Variants in WHRN observed in about 807,000 individuals in gnomAD.
The protein encoded by WHRN is whirlin, also known as CASK-interacting protein CIP98.
A neutral mutation model predicts 68.3 loss-of-function variants in WHRN; 41 were observed. That is an observed-to-expected ratio of 0.60 (90% CI 0.47 to 0.78). The LOEUF (loss-of-function observed/expected upper bound fraction) is 0.78. Ranked by LOEUF, WHRN falls within the 30% of genes least tolerant of loss-of-function variation. The probability of loss-of-function intolerance (pLI) is 0.00; values close to 1 mark genes in which losing one functional copy is unlikely to be tolerated. For synonymous variants in WHRN, 560 were observed against 561.3 expected (o/e 1.00, Z 0.03); for missense variants, 1,243 against 1,244.7 (o/e 1.00, Z 0.02).
intron 1 of WHRN, among the ~76,000 whole-genome samples, chr9:114,486,445 T>A (rs1306744127): frequency 6.6e-6 from 1 of 152,204 alleles, no homozygotes; most frequent in African/African-American, 2.4e-5. Context: ...TTGAGGCACA[T>A]TACATGTTCT....
chr9:114,497,438 T>C (rs1008337777), intron 1 of WHRN, among the ~76,000 whole-genome samples: 1 of 152,038 alleles, frequency 6.6e-6, no homozygotes, highest in African/African-American at 2.4e-5. Flanking sequence ...TTTAAGCATA[T>C]GTGTGGTTAC....
At chr9:114,429,515 A>T (rs766007587) in intron 3 of WHRN, among the ~76,000 whole-genome samples, 1 of 152,214 alleles carries the variant, frequency 6.6e-6, no homozygotes, top group Non-Finnish European at 1.5e-5. Flanking sequence ...TCAATGCCAC[A>T]TGCTTTCACC....
At chr9:114,454,197 T>C (rs1259507964) in intron 3 of WHRN, among the ~76,000 whole-genome samples, 4 of 152,192 alleles carry the variant, frequency 2.6e-5, no homozygotes, top group African/African-American at 7.2e-5. Context: ...TCCTTTAAGA[T>C]AGAAATAAGG....
At chr9:114,502,438 C>T (rs1470841153) in intron 1 of WHRN, among the ~76,000 whole-genome samples, 1 of 151,860 alleles carries the variant, frequency 6.6e-6, no homozygotes, top group Non-Finnish European at 1.5e-5. Context: ...AAGCTAAAGG[C>T]TGGTGCTGCT....
chr9:114,497,189 C>T (rs1843529499), intron 1 of WHRN, among the ~76,000 whole-genome samples: 1 of 152,072 alleles, frequency 6.6e-6, no homozygotes, highest in Non-Finnish European at 1.5e-5. Context: ...CATTTGGGGA[C>T]CTGTTTATGG....
rs200040563 is a variant in WHRN, at chr9:114,423,315, C to G, written c.1625G>C (p.Arg542Thr). 11 of 1,613,830 alleles carry G rather than the reference C, an allele frequency of 6.8e-6. No individual in the cohort carries two copies. Among genetic ancestry groups the G allele is most frequent in the Non-Finnish European group, 9.3e-6 (11 of 1,179,902 alleles). Residue 542 changes from arginine (R) to threonine (T), a missense_variant and splice_region_variant, in exon 7 of 12, where the codon AGG becomes ACG. By Grantham distance (71) the Arg-to-Thr change is moderately conservative. Coordinates refer to ENST00000362057, the MANE Select transcript of WHRN (RefSeq NM_015404.4). ...HGTSTTVSSA[R>T]NTLDLEETGE... ...AGGGACAAGGCAGAAGAAGCTCACC[C>G]TGGCCGAGCTGACGGTGGTGGAGGT...
chr9:114,469,842 A>G (rs9657664), intron 2 of WHRN, among the ~76,000 whole-genome samples: 54,035 of 152,150 alleles, frequency 0.36, 10,903 homozygotes, highest in African/African-American at 0.54. Context: ...TAGAGGCTCC[A>G]GAGGAGAACC....
At position 114,426,418 on chromosome 9, in the gene WHRN, C is replaced by A. The variant is rs973016995; in HGVS notation, c.964-5G>T. ...TTCTAGAATCTGGTCCCCAACCTGC[C>A]AAGATCACCACACAATACAGTCACC... On this transcript the variant is annotated splice_polypyrimidine_tract_variant and splice_region_variant and intron_variant, in intron 3 of 11. Transcript: ENST00000362057. The A allele has an allele frequency of 1.9e-6, 3 of 1,613,376 alleles. No homozygotes were observed. The highest frequency in any genetic ancestry group is 1.1e-5 in the South Asian group (1 of 91,020).
At chr9:114,476,565 G>A (rs1425150666) in intron 2 of WHRN, among the ~76,000 whole-genome samples, 1 of 152,036 alleles carries the variant, frequency 6.6e-6, no homozygotes, top group African/African-American at 2.4e-5. Context: ...CCTCCCATCA[G>A]TTTGCACTGT....
chr9:114,475,929 G>C (rs1045390754), intron 2 of WHRN, among the ~76,000 whole-genome samples: 1 of 152,088 alleles, frequency 6.6e-6, no homozygotes, highest in Non-Finnish European at 1.5e-5. Context: ...CGGTATCTGG[G>C]TCCTCCCTGG....
intron 3 of WHRN, among the ~76,000 whole-genome samples, chr9:114,438,451 T>C (rs1245599258): frequency 1.3e-5 from 2 of 150,942 alleles, no homozygotes; most frequent in East Asian, 3.9e-4. Context: ...CTTTCTTTTT[T>C]TTCTTTTTTT....
At chr9:114,486,976 TATA>T (rs1353206598) in intron 1 of WHRN, among the ~76,000 whole-genome samples, 1 of 2,300 alleles carries the variant, frequency 4.3e-4, no homozygotes, top group African/African-American at 5.4e-4. Flanking sequence ...TATATATATA[TATA>T]TATATATATA....
At chr9:114,444,076 C>G (rs1322611781) in intron 3 of WHRN, among the ~76,000 whole-genome samples, 1 of 152,202 alleles carries the variant, frequency 6.6e-6, no homozygotes, top group East Asian at 1.9e-4. Flanking sequence ...CCACAGGACA[C>G]AGGAATTATG....
intron 1 of WHRN, among the ~76,000 whole-genome samples, chr9:114,495,179 T>C (rs553798029): frequency 3.4e-4 from 52 of 152,204 alleles, no homozygotes; most frequent in African/African-American, 1.2e-3. Flanking sequence ...AAACACCAGG[T>C]TGAGGAGCTT....
At chr9:114,487,583 C>T (rs1310036438) in intron 1 of WHRN, among the ~76,000 whole-genome samples, 1 of 152,172 alleles carries the variant, frequency 6.6e-6, no homozygotes, top group African/African-American at 2.4e-5. Flanking sequence ...TTTGCTAGCA[C>T]CATCACCTGC....
At chr9:114,457,608 T>C (rs4979397) in intron 3 of WHRN, among the ~76,000 whole-genome samples, 113,293 of 151,862 alleles carry the variant, frequency 0.75, 42,459 homozygotes, top group East Asian at 0.96. Flanking sequence ...GAATCACAAG[T>C]AGATGCTAAA....
At chr9:114,439,805 G>A (rs1405531227) in intron 3 of WHRN, among the ~76,000 whole-genome samples, 1 of 152,222 alleles carries the variant, frequency 6.6e-6, no homozygotes, top group Non-Finnish European at 1.5e-5. Context: ...GATGAGCCAT[G>A]TAGCCTAGAA....
chr9:114,422,315 G>A (rs114315566), intron 7 of WHRN, among the ~76,000 whole-genome samples: 1 of 152,226 alleles, frequency 6.6e-6, no homozygotes, highest in Non-Finnish European at 1.5e-5. Context: ...CAAGGGCATA[G>A]AGGAGAGCAT....
At chr9:114,443,870 C>A (rs1263708460) in intron 3 of WHRN, among the ~76,000 whole-genome samples, 2 of 152,006 alleles carry the variant, frequency 1.3e-5, no homozygotes, top group Non-Finnish European at 2.9e-5. Flanking sequence ...CACAGTTCCA[C>A]GTGGCTGGGT....
Sources: gnomAD v4.1 joint callset for allele counts (sites outside exome capture counted in the v4.1 genomes callset) on GRCh38, gnomAD v4.1.1 for gene constraint, MANE v1.5 for transcripts, NCBI Gene and HGNC (gene_info 2026-07-23, HGNC 2026-07-21) for gene names.